IQCE: variants seen among roughly 807,000 people sequenced by gnomAD.
IQCE encodes IQ domain-containing protein E.
In IQCE, 115 loss-of-function variants were observed where a neutral mutation model predicts 96.0. That is an observed-to-expected ratio of 1.20 (90% CI 1.03 to 1.40). The LOEUF is 1.40. Ranked by LOEUF, IQCE falls within the 40% of genes most tolerant of loss-of-function variation. The pLI, the probability that IQCE is intolerant of heterozygous loss-of-function variation, is 0.00. For synonymous variants in IQCE, 412 were observed against 371.2 expected (o/e 1.11, Z -1.26); for missense variants, 1,041 against 909.1 (o/e 1.15, Z -1.87).
intron 14 of IQCE, among the ~76,000 whole-genome samples, chr7:2,592,519 A>C (rs911514467): frequency 6.6e-6 from 1 of 152,198 alleles, no homozygotes; most frequent in Admixed American, 6.5e-5. Flanking sequence ...CGCAGACAGC[A>C]TACAGTCCAT....
At position 2,584,229 on chromosome 7, in the gene IQCE, T is replaced by G; in HGVS notation, c.775-7T>G. ...TGTTTTCATGCATTTCAATTTGGTA[T>G]TTACAGGTGCATCGTCTCCAGACCC... On this transcript the variant is annotated splice_region_variant and splice_polypyrimidine_tract_variant and intron_variant, in intron 10 of 21. Coordinates refer to ENST00000402050, the MANE Select transcript of IQCE (RefSeq NM_152558.5). 6.2e-7 allele frequency: 1 copy of G among 1,613,376 alleles called. No homozygotes were observed.
At chr7:2,582,690 C>T (rs759030044) in intron 9 of IQCE, 40 bp downstream of exon 9, 8 of 1,576,630 alleles carry the variant, frequency 5.1e-6, no homozygotes, top group Admixed American at 1.7e-5. Flanking sequence ...CCTTCCGCCC[C>T]GTGTTCTGCT....
chr7:2,601,326 C>A, intron 17 of IQCE, 115 bp from the exon 18 acceptor site: 2 of 725,448 alleles, frequency 2.8e-6, no homozygotes, highest in Non-Finnish European at 4.8e-6. Context: ...GGAGCCAGGG[C>A]AGCCAGGCCT....
At chr7:2,585,392 C>A (rs1375454338) in intron 11 of IQCE, among the ~76,000 whole-genome samples, 3 of 152,338 alleles carry the variant, frequency 2.0e-5, no homozygotes, top group Non-Finnish European at 4.4e-5. Context: ...ACATGTGTCT[C>A]TGTTTAAAGA....
intron 21 of IQCE, among the ~76,000 whole-genome samples, chr7:2,607,758 A>AC (rs945997382): frequency 2.6e-5 from 4 of 152,026 alleles, no homozygotes; most frequent in Admixed American, 2.6e-4. Flanking sequence ...GCCACTCTCC[A>AC]CCCCAAATCT....
At chr7:2,596,415 T>C (rs1784045166) in intron 16 of IQCE, among the ~76,000 whole-genome samples, 1 of 151,534 alleles carries the variant, frequency 6.6e-6, no homozygotes, top group South Asian at 2.1e-4. Context: ...TTTTTTTTTT[T>C]TTTACTTTCT....
At position 2,601,427 on chromosome 7, in the gene IQCE, T is replaced by C; in HGVS notation, c.1609-14T>C. The C allele has an allele frequency of 6.8e-7, 1 of 1,461,942 alleles. No individual in the cohort carries two copies. Among genetic ancestry groups the C allele is most frequent in the Non-Finnish European group, 9.4e-7 (1 of 1,064,444 alleles). 90.6% of individuals were successfully genotyped at this position (1,461,942 alleles called of 1,614,324 possible). On this transcript the variant is annotated splice_polypyrimidine_tract_variant and intron_variant, in intron 17 of 21. Transcript: ENST00000402050. ...GTTAATTCATGTATTTTTTCTTTCT[T>C]TTTTTTTTTCCAGAAAAAAAAGGCT... is the stretch of plus-strand genomic sequence containing the variant.
chr7:2,588,729 A>G (rs907061030), intron 13 of IQCE, among the ~76,000 whole-genome samples: 4 of 132,716 alleles, frequency 3.0e-5, no homozygotes, highest in Non-Finnish European at 6.1e-5. Context: ...CAGTGGCGTA[A>G]TCTCGGCTCA....
rs532364547 is a variant in IQCE, at chr7:2,612,263, T to C, written c.*2101T>C. 1.6e-4 allele frequency: 24 copies of C among 152,346 alleles called. No homozygotes were observed. The highest frequency in any genetic ancestry group is 5.1e-4 in the African/African-American group (21 of 41,554). The allele number at this position is 152,346 out of a possible 1,614,324, so 9.4% of individuals were successfully genotyped here. A position where few individuals can be genotyped will look rare whatever the true frequency, so the allele number is the denominator to read the frequency against. The stretch of plus-strand genomic sequence containing the variant: ...CTGCTCTTTTAAAAGCCAGCATCCA[T>C]CTTGAAGCTCGCTGGGTAAATGGCA... On this transcript the variant is annotated 3_prime_UTR_variant, in exon 22 of 22. Coordinates refer to ENST00000402050, the MANE Select transcript of IQCE (RefSeq NM_152558.5).
At chr7:2,608,193 T>G (rs1019397414) in intron 21 of IQCE, among the ~76,000 whole-genome samples, 5 of 152,204 alleles carry the variant, frequency 3.3e-5, no homozygotes, top group African/African-American at 1.2e-4. Context: ...AGCCCCCCAG[T>G]ACCACTCCAG....
chr7:2,603,036 GCCT>G (rs1784540908), intron 18 of IQCE, among the ~76,000 whole-genome samples: 1 of 152,086 alleles, frequency 6.6e-6, no homozygotes, highest in Non-Finnish European at 1.5e-5. Context: ...TCCGTGCCTG[GCCT>G]CCTGGTCCCT....
chr7:2,565,071 T>G (rs1781258751), intron 1 of IQCE, among the ~76,000 whole-genome samples: 1 of 151,834 alleles, frequency 6.6e-6, no homozygotes, highest in Admixed American at 6.6e-5. Flanking sequence ...GGCCATTTTG[T>G]GTGAGTGCAT....
chr7:2,594,710 G>A (rs1783884058), intron 15 of IQCE, among the ~76,000 whole-genome samples, 176 bp from the exon 16 acceptor site: 1 of 152,262 alleles, frequency 6.6e-6, no homozygotes, highest in South Asian at 2.1e-4. Context: ...GGTTTCTGGT[G>A]TTGTCAGGTC....
intron 1 of IQCE, among the ~76,000 whole-genome samples, chr7:2,565,778 C>T (rs1016979999): frequency 2.6e-5 from 4 of 152,158 alleles, no homozygotes; most frequent in African/African-American, 9.7e-5. Context: ...AAAAGGTCAC[C>T]TTAAATAGGT....
chr7:2,563,375 T>TTTTGTGTGTGTGTGTGTA (rs60896382), intron 1 of IQCE, among the ~76,000 whole-genome samples: 2 of 135,682 alleles, frequency 1.5e-5, no homozygotes, highest in South Asian at 5.4e-4. Flanking sequence ...TAATTTTTTG[T>TTTTGTGTGTGTGTGTGTA]TGTGTGTGTG....
At chr7:2,601,097 A>G (rs562402944) in intron 17 of IQCE, among the ~76,000 whole-genome samples, 2 of 152,320 alleles carry the variant, frequency 1.3e-5, no homozygotes, top group African/African-American at 2.4e-5. Flanking sequence ...GAGCTCTCAC[A>G]TTGGGCCCAC....
At chr7:2,562,606 T>TC (rs1173750601) in intron 1 of IQCE, among the ~76,000 whole-genome samples, 6 of 147,704 alleles carry the variant, frequency 4.1e-5, no homozygotes, top group African/African-American at 1.2e-4. Flanking sequence ...TTTTTTTTTT[T>TC]CCCCCTGTAT....
At chr7:2,571,703 G>A (rs747157069) in intron 4 of IQCE, 49 bp downstream of exon 4, 5 of 1,564,080 alleles carry the variant, frequency 3.2e-6, no homozygotes, top group East Asian at 4.5e-5. Flanking sequence ...AGAAGAGTTC[G>A]AGAAATTTCA....
intron 11 of IQCE, chr7:2,584,645 C>T: frequency 4.6e-6 from 1 of 218,978 alleles, no homozygotes; most frequent in East Asian, 1.2e-4. Context: ...CTAATGTTTT[C>T]CTAAATAAGT....
Sources: gnomAD v4.1 joint callset for allele counts (sites outside exome capture counted in the v4.1 genomes callset) on GRCh38, gnomAD v4.1.1 for gene constraint, MANE v1.5 for transcripts, NCBI Gene and HGNC (gene_info 2026-07-23, HGNC 2026-07-21) for gene names.